The following SEL1L variants were observed in gnomAD, a reference collection of about 807,000 sequenced individuals.
The protein encoded by SEL1L is SEL1L adaptor subunit of SYVN1 ubiquitin ligase.
SEL1L carries 52 observed loss-of-function variants against 109.8 expected under a neutral mutation model. The observed-to-expected ratio is 0.47, with a 90% CI of 0.38 to 0.60. The LOEUF is 0.60. SEL1L is among the 20% of genes least tolerant of loss of function. The pLI, the probability that SEL1L is intolerant of heterozygous loss-of-function variation, is 0.00. For missense variants in SEL1L, 749 were observed against 962.2 expected (o/e 0.78, Z 2.93); for synonymous variants, 373 against 339.6 (o/e 1.10, Z -1.08).
chr14:81,510,512 C>CTA (rs1342094383), intron 3 of SEL1L, among the ~76,000 whole-genome samples: 1,399 of 106,610 alleles, frequency 0.013, 5 homozygotes, highest in African/African-American at 0.016. Flanking sequence ...CTCTCTCTCT[C>CTA]TCTATATATA....
At position 81,487,538 on chromosome 14, in the gene SEL1L, T is replaced by C. The variant is rs775332336; in HGVS notation, c.1484A>G (p.Asn495Ser). 7 of 1,591,924 alleles carry C rather than the reference T, an allele frequency of 4.4e-6. No homozygotes were observed. The highest frequency in any genetic ancestry group is 6.0e-6 in the Non-Finnish European group (7 of 1,175,304). ...ATAATCTCTCTTGACTCCAATGCCA[T>C]CTGTAAGAAAAAAAAAAATCACACG... ...GQLQLGSMYYNGIGVKRDYKQ... is the reference protein window; with the variant it reads ...GQLQLGSMYYSGIGVKRDYKQ... The change falls in exon 16 of 21, where the codon AAT becomes AGT. Residue 495 changes from asparagine to serine, a missense_variant and splice_region_variant. This residue lies in a region of SEL1L where 383 missense variants were observed against 562.5 expected (regional missense o/e 0.68). Coordinates refer to ENST00000336735, the MANE Select transcript of SEL1L (RefSeq NM_005065.6).
At chr14:81,490,162 T>C (rs2139998168) in intron 13 of SEL1L, among the ~76,000 whole-genome samples, 2 of 152,374 alleles carry the variant, frequency 1.3e-5, no homozygotes, top group South Asian at 4.1e-4. Flanking sequence ...AGGAAACTTC[T>C]CAGTGAAACT....
At chr14:81,501,328 C>T (rs973778791) in intron 6 of SEL1L, among the ~76,000 whole-genome samples, 1 of 152,062 alleles carries the variant, frequency 6.6e-6, no homozygotes, top group African/African-American at 2.4e-5. Context: ...GGGTGCTTTG[C>T]AACATATAAA....
intron 10 of SEL1L, among the ~76,000 whole-genome samples, chr14:81,496,106 G>A (rs1288558742): frequency 2.6e-5 from 4 of 151,968 alleles, no homozygotes; most frequent in Admixed American, 6.5e-5. Flanking sequence ...GGCAGATCAC[G>A]AGGTCAGGAG....
chr14:81,486,596 T>C (rs1241144047), intron 16 of SEL1L, 142 bp from the exon 17 acceptor site: 2 of 686,146 alleles, frequency 2.9e-6, no homozygotes, highest in Non-Finnish European at 4.7e-6. Flanking sequence ...ACATAAAAGT[T>C]TGAGATACTT....
chr14:81,504,902 T>TA (rs1175052015), intron 4 of SEL1L, among the ~76,000 whole-genome samples: 1 of 152,128 alleles, frequency 6.6e-6, no homozygotes, highest in African/African-American at 2.4e-5. Context: ...TCTCATATGG[T>TA]AAGTTTCCTG....
At chr14:81,493,523 A>AATAC (rs980204424) in intron 11 of SEL1L, among the ~76,000 whole-genome samples, 1 of 151,928 alleles carries the variant, frequency 6.6e-6, no homozygotes, top group Non-Finnish European at 1.5e-5. Context: ...TAAATAAATA[A>AATAC]ATAAATAAAA....
At chr14:81,527,805 A>G in intron 1 of SEL1L, 67 bp from the exon 2 acceptor site, 2 of 1,071,652 alleles carry the variant, frequency 1.9e-6, no homozygotes, top group Non-Finnish European at 2.8e-6. Context: ...ATTAAAAGAA[A>G]ACATGTGAAA....
At position 81,476,659 on chromosome 14, in the gene SEL1L, C is replaced by A; in HGVS notation, c.*313G>T. 7.1e-6 allele frequency: 2 copies of A among 280,098 alleles called. No homozygotes were observed. The highest frequency in any genetic ancestry group is 6.1e-5 in the East Asian group (1 of 16,462). 17.4% of individuals were successfully genotyped at this position (280,098 alleles called of 1,614,324 possible). A position where few individuals can be genotyped will look rare whatever the true frequency, so the allele number is the denominator to read the frequency against. On this transcript the variant is annotated 3_prime_UTR_variant, in exon 21 of 21. Coordinates refer to ENST00000336735, the MANE Select transcript of SEL1L (RefSeq NM_005065.6). The stretch of plus-strand genomic sequence containing the variant: ...CACTGAAATAATGACCAAAAGGATC[C>A]AAGAAAGATAGCTGGATACAGTAGA...
intron 3 of SEL1L, among the ~76,000 whole-genome samples, chr14:81,526,247 T>C (rs552526781): frequency 6.6e-6 from 1 of 152,250 alleles, no homozygotes; most frequent in African/African-American, 2.4e-5. Context: ...ATTGTGAAAG[T>C]TAGAATAGGA....
intron 3 of SEL1L, among the ~76,000 whole-genome samples, chr14:81,515,230 C>T (rs1475969399): frequency 6.6e-6 from 1 of 152,088 alleles, no homozygotes; most frequent in African/African-American, 2.4e-5. Flanking sequence ...GTACATGTCC[C>T]CTCCTCCCTC....
intron 3 of SEL1L, among the ~76,000 whole-genome samples, chr14:81,518,202 A>T (rs1884776036): frequency 6.6e-6 from 1 of 151,500 alleles, no homozygotes; most frequent in Non-Finnish European, 1.5e-5. Flanking sequence ...TTGGGACGGA[A>T]CTTCTTGTAC....
intron 1 of SEL1L, among the ~76,000 whole-genome samples, chr14:81,528,049 G>T (rs1475675409): frequency 1.3e-5 from 2 of 152,084 alleles, no homozygotes; most frequent in African/African-American, 2.4e-5. Context: ...TCCAATTCTT[G>T]TGGGTCTATT....
intron 5 of SEL1L, 126 bp downstream of exon 5, chr14:81,504,075 T>C (rs1884128008): frequency 3.9e-6 from 2 of 515,904 alleles, no homozygotes; most frequent in Non-Finnish European, 6.8e-6. Context: ...ATATTACATT[T>C]TTTTGTAATG....
chr14:81,502,099 T>G (rs1046250344), intron 6 of SEL1L, among the ~76,000 whole-genome samples: 2 of 151,828 alleles, frequency 1.3e-5, no homozygotes, highest in Admixed American at 1.3e-4. Flanking sequence ...CATATGAACA[T>G]AGTGTGGGTA....
intron 14 of SEL1L, chr14:81,488,684 C>T (rs1166285520): frequency 6.5e-6 from 1 of 152,788 alleles, no homozygotes; most frequent in East Asian, 1.9e-4. Context: ...AGCGAGAGGT[C>T]AAGTGAGGTA....
At chr14:81,481,878 A>C (rs1903367964) in intron 19 of SEL1L, among the ~76,000 whole-genome samples, 1 of 152,046 alleles carries the variant, frequency 6.6e-6, no homozygotes, top group African/African-American at 2.4e-5. Flanking sequence ...TAAAAATACA[A>C]AAATTAGCCG....
chr14:81,500,565 T>C (rs1160378104), intron 6 of SEL1L, among the ~76,000 whole-genome samples: 1 of 152,160 alleles, frequency 6.6e-6, no homozygotes, highest in East Asian at 1.9e-4. Flanking sequence ...ACAAAAAGTT[T>C]AGCTTGAGGA....
Position 81,499,774 on chromosome 14 carries a change from C to T in SEL1L, c.778-112G>A, listed in dbSNP as rs1883925859. On this transcript the variant is annotated intron_variant, in intron 6 of 20. Transcript: ENST00000336735. ...GAAAAAATGCAAGAGTCTTTAAATG[C>T]TAAAAGATTTGAATTCAAGTATGTA... 5.5e-6 allele frequency: 4 copies of T among 723,144 alleles called. No individual in the cohort carries two copies. The South Asian group carries it at 7.6e-5, about 14-fold the overall frequency. The allele number at this position is 723,144 out of a possible 1,614,324, so 44.8% of individuals were successfully genotyped here.
Sources: allele counts gnomAD v4.1 joint callset (sites outside exome capture counted in the v4.1 genomes callset), GRCh38; gene constraint gnomAD v4.1.1; regional missense constraint gnomAD v4.1.1; transcripts MANE v1.5; gene names NCBI Gene and HGNC (gene_info 2026-07-23, HGNC 2026-07-21).